The following RALGAPA2 variants were observed in gnomAD, a reference collection of about 807,000 sequenced individuals.
RALGAPA2 encodes ral GTPase-activating protein subunit alpha-2.
A neutral mutation model predicts 230.4 loss-of-function variants in RALGAPA2; 139 were observed. That is an observed-to-expected ratio of 0.60 (90% confidence interval 0.53 to 0.69). RALGAPA2 has a LOEUF of 0.69. RALGAPA2 is among the 30% of genes least tolerant of loss of function. The pLI, the probability that RALGAPA2 is intolerant of heterozygous loss-of-function variation, is 0.00. For missense variants in RALGAPA2, 2,163 were observed against 2,276.0 expected (o/e 0.95, Z 1.01); for synonymous variants, 847 against 837.8 (o/e 1.01, Z -0.19).
chr20:20,488,584 T>C (rs920134760), intron 36 of RALGAPA2, among the ~76,000 whole-genome samples: 4 of 152,212 alleles, frequency 2.6e-5, no homozygotes, highest in Non-Finnish European at 4.4e-5. Context: ...TGATTATCAG[T>C]TAACTGCTGA....
At position 20,513,269 on chromosome 20, in the gene RALGAPA2, C is replaced by T. The variant is rs757872261; in HGVS notation, c.4100G>A (p.Ser1367Asn). 1 of 1,461,496 alleles carries T rather than the reference C, an allele frequency of 6.8e-7. No individual in the cohort carries two copies. The highest frequency in any genetic ancestry group is 2.5e-5 in the Admixed American group (1 of 39,354). 90.5% of individuals were successfully genotyped at this position (1,461,496 alleles called of 1,614,324 possible). A position where few individuals can be genotyped will look rare whatever the true frequency, so the allele number is the denominator to read the frequency against. ...LTVEEEKKRR[S>N]LELIPLTARM... Reference sequence around the variant, plus strand: ...AGCAGTCAAAGGGATCAACTCCAAACTTCTTCTCTTCTTCTCTGTAAACAG... The same window carrying T: ...AGCAGTCAAAGGGATCAACTCCAAATTTCTTCTCTTCTTCTCTGTAAACAG... The change falls in exon 32 of 40, where the codon AGT (serine) becomes AAT (asparagine). Residue 1367 changes from serine (S) to asparagine (N), a missense_variant. Ser to Asn is a conservative substitution (Grantham distance 46). Transcript: ENST00000202677.
chr20:20,483,852 G>T (rs1031983737), intron 36 of RALGAPA2, among the ~76,000 whole-genome samples: 4 of 151,954 alleles, frequency 2.6e-5, no homozygotes, highest in African/African-American at 4.9e-5. Context: ...AAAAATGAGA[G>T]GCTAAAAGGG....
chr20:20,432,116 G>A (rs963380532), intron 37 of RALGAPA2, among the ~76,000 whole-genome samples: 3 of 152,188 alleles, frequency 2.0e-5, no homozygotes, highest in Non-Finnish European at 2.9e-5. Context: ...AGGAACCACC[G>A]TTGTTCCAAG....
chr20:20,516,231 G>C (rs1377147500), intron 31 of RALGAPA2, among the ~76,000 whole-genome samples: 1 of 152,146 alleles, frequency 6.6e-6, no homozygotes, highest in Non-Finnish European at 1.5e-5. Flanking sequence ...CCCACCTGTT[G>C]GTATGTATCC....
chr20:20,634,656 C>T (rs896768689), intron 9 of RALGAPA2, among the ~76,000 whole-genome samples: 6 of 152,180 alleles, frequency 3.9e-5, no homozygotes, highest in African/African-American at 1.4e-4. Context: ...AGGGCATCGG[C>T]AAATCTGCAG....
Position 20,503,430 on chromosome 20 carries a change from T to A in RALGAPA2, c.5129A>T (p.Tyr1710Phe). The stretch of plus-strand genomic sequence containing the variant: ...AATCACTTCCACAGTTGAGGTAGCA[T>A]AGTAAGGGGCCGTCTGCCCGGTGCT... ...NGSTGQTAPY[Y>F]ATSTVEVIFH... is the part of the protein sequence containing the mutation. The change falls in exon 35 of 40, where the codon TAT becomes TTT. Residue 1710 changes from tyrosine to phenylalanine, a missense_variant. Physicochemically the swap from Tyr to Phe is conservative, Grantham distance 22. Transcript: ENST00000202677. The A allele has an allele frequency of 6.2e-7, 1 of 1,608,894 alleles. No homozygotes were observed. The highest frequency in any genetic ancestry group is 8.5e-7 in the Non-Finnish European group (1 of 1,177,246).
chr20:20,681,655 G>C (rs1394265000), intron 1 of RALGAPA2, among the ~76,000 whole-genome samples: 1 of 152,142 alleles, frequency 6.6e-6, no homozygotes, highest in Non-Finnish European at 1.5e-5. Flanking sequence ...CCAAGGAGTT[G>C]GCACTTTGGG....
chr20:20,469,561 G>A (rs1402345822), intron 37 of RALGAPA2, among the ~76,000 whole-genome samples: 3 of 152,220 alleles, frequency 2.0e-5, no homozygotes, highest in Admixed American at 6.5e-5. Context: ...GAATGCCATT[G>A]AGACTATTGT....
At chr20:20,500,161 G>A (rs574071433) in intron 35 of RALGAPA2, among the ~76,000 whole-genome samples, 2 of 152,262 alleles carry the variant, frequency 1.3e-5, no homozygotes, top group Non-Finnish European at 2.9e-5. Flanking sequence ...GTTGCTGATT[G>A]ATCAGGGTGG....
chr20:20,544,868 CA>C (rs1229264926), intron 24 of RALGAPA2, among the ~76,000 whole-genome samples: 3 of 144,682 alleles, frequency 2.1e-5, no homozygotes, highest in South Asian at 4.3e-4. Context: ...TGGGGCCTGT[CA>C]GGGGGTGGGG....
chr20:20,456,292 T>C (rs2061117552), intron 37 of RALGAPA2, among the ~76,000 whole-genome samples: 1 of 152,242 alleles, frequency 6.6e-6, no homozygotes, highest in Non-Finnish European at 1.5e-5. Flanking sequence ...TGCCGGAGAC[T>C]GAAAGATGAA....
intron 34 of RALGAPA2, among the ~76,000 whole-genome samples, chr20:20,504,690 C>A (rs983918605): frequency 6.6e-6 from 1 of 151,490 alleles, no homozygotes; most frequent in Admixed American, 6.6e-5. Context: ...TGTGCGACTG[C>A]ACTCCAGCCT....
At chr20:20,460,112 A>C (rs1342731787) in intron 37 of RALGAPA2, among the ~76,000 whole-genome samples, 2 of 152,192 alleles carry the variant, frequency 1.3e-5, no homozygotes, top group Admixed American at 6.5e-5. Context: ...TTACCATGGC[A>C]CATGTGGCAG....
intron 39 of RALGAPA2, among the ~76,000 whole-genome samples, chr20:20,394,254 T>C (rs946450572): frequency 1.3e-5 from 2 of 152,200 alleles, no homozygotes; most frequent in East Asian, 3.8e-4. Context: ...TGCTTGGACC[T>C]ATGGAGGCAG....
intron 24 of RALGAPA2, among the ~76,000 whole-genome samples, chr20:20,544,638 A>G (rs917861230): frequency 2.6e-5 from 4 of 152,202 alleles, no homozygotes; most frequent in Admixed American, 6.5e-5. Flanking sequence ...CATCAATAAT[A>G]GACTAGATAA....
At chr20:20,482,575 C>A (rs1194914445) in intron 36 of RALGAPA2, among the ~76,000 whole-genome samples, 6 of 152,162 alleles carry the variant, frequency 3.9e-5, no homozygotes, top group African/African-American at 1.2e-4. Context: ...TTAAGAGATA[C>A]TAATTTAGCT....
Position 20,514,513 on chromosome 20 carries a change from G to A in RALGAPA2, c.4085-1229C>T, listed in dbSNP as rs138130319. 7.3e-3 allele frequency among the ~76,000 whole-genome samples: 1,110 copies of A among 151,410 alleles called. 10 individuals are homozygous for A. The highest frequency in any genetic ancestry group is 0.026 in the African/African-American group (1,064 of 41,276). ...CATCCAGATGGATCTCCAGGTATTC[G>A]GCACACTTCCTCACCCAGATTGGTG... On this transcript the variant is annotated intron_variant, in intron 31 of 39. Coordinates refer to ENST00000202677, the MANE Select transcript of RALGAPA2 (RefSeq NM_020343.4).
chr20:20,516,442 T>C (rs2062872202), intron 31 of RALGAPA2, among the ~76,000 whole-genome samples: 1 of 152,180 alleles, frequency 6.6e-6, no homozygotes, highest in African/African-American at 2.4e-5. Context: ...CTACAGCATC[T>C]ACAGATGGAA....
chr20:20,574,892 C>T (rs2064770513), intron 20 of RALGAPA2, among the ~76,000 whole-genome samples: 1 of 152,162 alleles, frequency 6.6e-6, no homozygotes, highest in Non-Finnish European at 1.5e-5. Context: ...TGTGTCATAG[C>T]CTCAGCCCCC....
Sources: allele counts gnomAD v4.1 joint callset (sites outside exome capture counted in the v4.1 genomes callset), GRCh38; gene constraint gnomAD v4.1.1; transcripts MANE v1.5; gene names NCBI Gene and HGNC (gene_info 2026-07-23, HGNC 2026-07-21).